The following ARID5B variants were observed in gnomAD, a reference collection of about 807,000 sequenced individuals.
ARID5B encodes AT-rich interactive domain-containing protein 5B.
ARID5B carries 13 observed loss-of-function variants against 97.2 expected under a neutral mutation model. That is an observed-to-expected ratio of 0.13 (90% CI 0.09 to 0.21). The LOEUF is 0.21. ARID5B is among the 10% of genes least tolerant of loss of function. The probability of loss-of-function intolerance (pLI) is 1.00; values close to 1 mark genes in which losing one functional copy is unlikely to be tolerated. For missense variants in ARID5B, 1,210 were observed against 1,465.3 expected (o/e 0.83, Z 2.84); for synonymous variants, 556 against 570.3 (o/e 0.97, Z 0.36).
chr10:61,998,821 G>A (rs772664887), intron 3 of ARID5B, among the ~76,000 whole-genome samples: 40 of 152,214 alleles, frequency 2.6e-4, no homozygotes, highest in Non-Finnish European at 4.3e-4. Flanking sequence ...TATCAATCAA[G>A]TTGGGCTAGA....
chr10:61,907,920 C>T (rs1843732881), intron 2 of ARID5B, among the ~76,000 whole-genome samples: 1 of 152,200 alleles, frequency 6.6e-6, no homozygotes, highest in South Asian at 2.1e-4. Flanking sequence ...GTTGCTGACC[C>T]CTGGCCTATG....
chr10:62,059,199 T>G (rs1839892981), intron 6 of ARID5B, 44 bp from the exon 7 acceptor site: 3 of 1,464,500 alleles, frequency 2.0e-6, no homozygotes, highest in African/African-American at 2.8e-5. Flanking sequence ...CTTGGAAGTA[T>G]GTTAATGCAA....
chr10:62,086,440 A>T (rs1169928721), intron 9 of ARID5B, among the ~76,000 whole-genome samples: 1 of 152,068 alleles, frequency 6.6e-6, no homozygotes, highest in Non-Finnish European at 1.5e-5. Flanking sequence ...CAAAGCTCAC[A>T]CCTGTAATCC....
At chr10:62,001,227 G>T (rs570935977) in intron 4 of ARID5B, among the ~76,000 whole-genome samples, 1 of 152,084 alleles carries the variant, frequency 6.6e-6, no homozygotes, top group African/African-American at 2.4e-5. Context: ...TTATCAAACT[G>T]CTTGTGTTCC....
chr10:61,950,253 G>A (rs758653812), intron 3 of ARID5B, among the ~76,000 whole-genome samples: 4 of 152,156 alleles, frequency 2.6e-5, no homozygotes, highest in South Asian at 4.1e-4. Context: ...TGATCTGCCC[G>A]CCTCAGCTTC....
At chr10:62,050,691 A>G (rs1011557389) in intron 4 of ARID5B, among the ~76,000 whole-genome samples, 197 bp from the exon 5 acceptor site, 1 of 152,184 alleles carries the variant, frequency 6.6e-6, no homozygotes, top group Non-Finnish European at 1.5e-5. Context: ...AGCTTTGGGA[A>G]ACGTGTACAG....
intron 4 of ARID5B, among the ~76,000 whole-genome samples, chr10:62,030,958 G>A (rs1290808393): frequency 6.6e-6 from 1 of 152,198 alleles, no homozygotes; most frequent in Non-Finnish European, 1.5e-5. Flanking sequence ...GGTTTGAGCT[G>A]GGTGCGGTGG....
chr10:61,904,072 T>C (rs780479842), intron 2 of ARID5B, among the ~76,000 whole-genome samples: 1 of 63,610 alleles, frequency 1.6e-5, no homozygotes, highest in Non-Finnish European at 3.0e-5. Context: ...CCAACTTTCC[T>C]GCGCAGCTGT....
intron 3 of ARID5B, among the ~76,000 whole-genome samples, chr10:61,982,781 G>GA (rs1838794322): frequency 6.6e-6 from 1 of 152,300 alleles, no homozygotes; most frequent in South Asian, 2.1e-4. Flanking sequence ...CCTAACACTG[G>GA]AAGCCCCTTG....
At chr10:61,970,972 A>AGT (rs55961997) in intron 3 of ARID5B, among the ~76,000 whole-genome samples, 608 of 150,282 alleles carry the variant, frequency 4.0e-3, no homozygotes, top group African/African-American at 5.2e-3. Flanking sequence ...TTGCTTTTAA[A>AGT]GTGTGTGTGT....
intron 4 of ARID5B, chr10:62,049,281 A>G (rs1392539242): frequency 6.9e-7 from 1 of 1,450,360 alleles, no homozygotes; most frequent in African/African-American, 1.4e-5. Flanking sequence ...GGTGCTAGTC[A>G]CTGCTGTGTG....
Position 62,057,077 on chromosome 10 carries a change from G to A in ARID5B, c.847-40G>A, listed in dbSNP as rs778564861. ...GCTATGTCTTGGTAAGCATCCTGGG[G>A]CTGTGCCTCGTCTGATGTGGTATAT... On this transcript the variant is annotated intron_variant, in intron 5 of 9. Transcript: ENST00000279873. 6.9e-6 allele frequency: 11 copies of A among 1,599,566 alleles called. No individual in the cohort carries two copies. In the African/African-American group the frequency reaches 8.1e-5, roughly 12 times the overall value.
At chr10:62,066,885 T>C (rs1589282126) in intron 7 of ARID5B, among the ~76,000 whole-genome samples, 1 of 152,218 alleles carries the variant, frequency 6.6e-6, no homozygotes, top group Non-Finnish European at 1.5e-5. Flanking sequence ...TCGTTGATTG[T>C]GGGTATCCCC....
intron 2 of ARID5B, among the ~76,000 whole-genome samples, chr10:61,934,547 T>TA (rs1224091091): frequency 1.3e-5 from 2 of 152,148 alleles, no homozygotes; most frequent in Non-Finnish European, 2.9e-5. Context: ...GGTTATTAAT[T>TA]AGCCCATTAT....
intron 4 of ARID5B, among the ~76,000 whole-genome samples, chr10:62,002,517 G>A (rs1282330901): frequency 2.0e-5 from 3 of 152,074 alleles, no homozygotes; most frequent in African/African-American, 7.2e-5. Context: ...TTAGTAAGTG[G>A]ACCAAAAAGC....
At chr10:61,985,097 A>G (rs1489222409) in intron 3 of ARID5B, among the ~76,000 whole-genome samples, 2 of 151,794 alleles carry the variant, frequency 1.3e-5, no homozygotes, top group African/African-American at 2.4e-5. Context: ...GGGAGTTTCT[A>G]TGTATCCTTC....
chr10:61,942,552 G>A (rs1445404938), intron 3 of ARID5B, among the ~76,000 whole-genome samples: 2 of 152,216 alleles, frequency 1.3e-5, no homozygotes, highest in Non-Finnish European at 1.5e-5. Context: ...AGCACTTTGG[G>A]AGGCCGAGGC....
chr10:62,071,894 A>G (rs1278774202), intron 8 of ARID5B, among the ~76,000 whole-genome samples: 1 of 152,190 alleles, frequency 6.6e-6, no homozygotes, highest in Non-Finnish European at 1.5e-5. Context: ...ACTTTTCCAA[A>G]TCCAGAATTT....
chr10:62,051,280 C>T (rs907668040), intron 5 of ARID5B, among the ~76,000 whole-genome samples: 3 of 152,130 alleles, frequency 2.0e-5, no homozygotes, highest in East Asian at 1.9e-4. Context: ...TAAGCACCCA[C>T]GTCATTGAGG....
Sources: gnomAD v4.1 joint callset for allele counts (sites outside exome capture counted in the v4.1 genomes callset) on GRCh38, gnomAD v4.1.1 for gene constraint, MANE v1.5 for transcripts, NCBI Gene and HGNC (gene_info 2026-07-23, HGNC 2026-07-21) for gene names.